The following DGKI variants were observed in gnomAD, a reference collection of about 807,000 sequenced individuals.
DGKI encodes DAG kinase iota.
In DGKI, 55 loss-of-function variants were observed where a neutral mutation model predicts 147.5. The ratio of observed to expected loss-of-function variants is 0.37; its 90% CI spans 0.30 to 0.47. The LOEUF (loss-of-function observed/expected upper bound fraction) is 0.47. Ranked by LOEUF, DGKI falls within the 20% of genes least tolerant of loss-of-function variation. The probability of loss-of-function intolerance (pLI) is 1.00; values close to 1 mark genes in which losing one functional copy is unlikely to be tolerated. For missense variants in DGKI, 1,007 were observed against 1,323.8 expected (o/e 0.76, Z 3.71); for synonymous variants, 469 against 477.1 (o/e 0.98, Z 0.22).
intron 1 of DGKI, among the ~76,000 whole-genome samples, chr7:137,694,415 G>C (rs1027091812): frequency 1.2e-4 from 18 of 151,990 alleles, no homozygotes; most frequent in African/African-American, 4.4e-4. Flanking sequence ...AATTTCCTCT[G>C]GTTCCAGTTT....
At chr7:137,796,487 A>G (rs1035504426) in intron 1 of DGKI, among the ~76,000 whole-genome samples, 17 of 152,092 alleles carry the variant, frequency 1.1e-4, no homozygotes, top group African/African-American at 4.1e-4. Context: ...GTGACAGAGC[A>G]AAACTCCATT....
Position 137,846,339 on chromosome 7 carries a change from AG to A in DGKI, c.401+122del. 1.9e-6 allele frequency: 1 copy of A among 539,350 alleles called. No homozygotes were observed. The allele number at this position is 539,350 out of a possible 1,614,324, so 33.4% of individuals were successfully genotyped here. A position where few individuals can be genotyped will look rare whatever the true frequency, so the allele number is the denominator to read the frequency against. On this transcript the variant is annotated intron_variant, in intron 1 of 32. Transcript: ENST00000614521. The surrounding 1 kb of genome is among the most constrained non-coding windows in gnomAD (Gnocchi z 4.0). ...GACATCCCCGGGAGGAGAGGGGGAA[AG>A]GGGGAAGGAGAGGCGTGGAAACAGA...
intron 24 of DGKI, among the ~76,000 whole-genome samples, chr7:137,469,024 A>G (rs1280405793): frequency 2.0e-5 from 3 of 152,156 alleles, no homozygotes; most frequent in Non-Finnish European, 4.4e-5. Context: ...AAAAAAACGG[A>G]CTCATTAAAC....
chr7:137,772,011 A>G (rs555292146), intron 1 of DGKI: 2 of 152,220 alleles, frequency 1.3e-5, no homozygotes, highest in Non-Finnish European at 1.5e-5. Flanking sequence ...GCTGCTCTAC[A>G]CTGTGTGCAT....
intron 1 of DGKI, among the ~76,000 whole-genome samples, chr7:137,808,758 G>T (rs1250212262): frequency 6.6e-6 from 1 of 152,150 alleles, no homozygotes; most frequent in Non-Finnish European, 1.5e-5. Context: ...GAAAAAGGAA[G>T]AAGAACATAA....
At chr7:137,697,453 T>C (rs1823829158) in intron 1 of DGKI, among the ~76,000 whole-genome samples, 1 of 152,148 alleles carries the variant, frequency 6.6e-6, no homozygotes, top group Admixed American at 6.5e-5. Flanking sequence ...AGTCAAAGTA[T>C]AAATAAGAAA....
At chr7:137,548,510 GTC>G (rs34423572) in intron 20 of DGKI, among the ~76,000 whole-genome samples, 8,859 of 152,028 alleles carry the variant, frequency 0.058, 293 homozygotes, top group African/African-American at 0.089. Flanking sequence ...TGCCTCCCCC[GTC>G]TCTCTTGCTC....
intron 1 of DGKI, among the ~76,000 whole-genome samples, chr7:137,760,118 GAATCAGCAGAGCCCACCTCACC>G (rs1483912973): frequency 6.6e-6 from 1 of 152,064 alleles, no homozygotes; most frequent in Non-Finnish European, 1.5e-5. Context: ...CTCTTTCTTT[GAATCAGCAGAGCCCACCTCACC>G]TACTAATCTT....
intron 30 of DGKI, among the ~76,000 whole-genome samples, chr7:137,401,351 G>C (rs1217399346): frequency 1.3e-5 from 2 of 151,106 alleles, no homozygotes; most frequent in African/African-American, 4.9e-5. Flanking sequence ...GGGTAACATA[G>C]CAAGACCCCA....
chr7:137,800,820 C>T (rs1434301848), intron 1 of DGKI, among the ~76,000 whole-genome samples: 1 of 152,094 alleles, frequency 6.6e-6, no homozygotes, highest in Non-Finnish European at 1.5e-5. Context: ...ATTTTCTGCC[C>T]CCACCCAATG....
At chr7:137,547,290 C>T (rs1050770229) in intron 20 of DGKI, among the ~76,000 whole-genome samples, 5 of 152,194 alleles carry the variant, frequency 3.3e-5, no homozygotes, top group African/African-American at 1.2e-4. Flanking sequence ...AGCTTCTGAA[C>T]ACAGTGGGAC....
In DGKI at chr7:137,381,652, A is replaced by C. The variant is rs1401213043; in HGVS notation, c.*9568T>G. ...CTCTATTCCTTAGTTTTTCACAAGAATGGTTTTCCTCAGTTTCAGTCAGTG... is the reference window on the plus strand; with the variant it reads ...CTCTATTCCTTAGTTTTTCACAAGACTGGTTTTCCTCAGTTTCAGTCAGTG... On this transcript the variant is annotated 3_prime_UTR_variant, in exon 33 of 33. Coordinates refer to ENST00000614521, the MANE Select transcript of DGKI (RefSeq NM_001321708.2). 2 of 151,976 alleles carry C rather than the reference A, an allele frequency of 1.3e-5. No individual in the cohort carries two copies. Among genetic ancestry groups the C allele is most frequent in the Non-Finnish European group, 2.9e-5 (2 of 67,984 alleles). 9.4% of individuals were successfully genotyped at this position (151,976 alleles called of 1,614,324 possible).
At chr7:137,680,034 C>T (rs1823180453) in intron 2 of DGKI, among the ~76,000 whole-genome samples, 1 of 150,782 alleles carries the variant, frequency 6.6e-6, no homozygotes, top group Admixed American at 6.6e-5. Flanking sequence ...GAATCCCTCA[C>T]CCTCAATGTG....
At chr7:137,786,288 T>C (rs969007337) in intron 1 of DGKI, among the ~76,000 whole-genome samples, 1 of 152,068 alleles carries the variant, frequency 6.6e-6, no homozygotes, top group Non-Finnish European at 1.5e-5. Context: ...GATACAAAAT[T>C]AATGTACACA....
intron 1 of DGKI, among the ~76,000 whole-genome samples, chr7:137,714,150 A>C (rs776142554): frequency 6.6e-6 from 1 of 152,176 alleles, no homozygotes; most frequent in African/African-American, 2.4e-5. Context: ...ATTTTGGATT[A>C]TTTGCTATTA....
intron 26 of DGKI, 68 bp downstream of exon 26, chr7:137,465,840 T>C: frequency 6.4e-7 from 1 of 1,557,084 alleles, no homozygotes. Context: ...CGATGTCAAG[T>C]TCAAAGGCGA....
intron 3 of DGKI, among the ~76,000 whole-genome samples, chr7:137,677,968 AATAG>A (rs1182083500): frequency 6.6e-6 from 1 of 152,208 alleles, no homozygotes; most frequent in East Asian, 1.9e-4. Context: ...TAACCCTCTA[AATAG>A]ATTGTTCTAA....
At chr7:137,581,952 G>T (rs1307716863) in intron 14 of DGKI, 24 bp from the exon 15 acceptor site, 12 of 1,602,894 alleles carry the variant, frequency 7.5e-6, no homozygotes, top group Non-Finnish European at 1.0e-5. Context: ...CAAAGACAGA[G>T]GCAAAATTTT....
chr7:137,414,793 C>T (rs1812297363), intron 28 of DGKI, among the ~76,000 whole-genome samples: 2 of 152,172 alleles, frequency 1.3e-5, no homozygotes, highest in South Asian at 4.1e-4. Context: ...ATGCTCTCAA[C>T]TGGAGTCTAA....
Sources: allele counts gnomAD v4.1 joint callset (sites outside exome capture counted in the v4.1 genomes callset), GRCh38; gene constraint gnomAD v4.1.1; non-coding constraint Gnocchi (gnomAD v3.1); transcripts MANE v1.5; gene names NCBI Gene and HGNC (gene_info 2026-07-23, HGNC 2026-07-21).